Variants in PRMT2 observed in about 807,000 individuals in gnomAD.
PRMT2 encodes protein arginine N-methyltransferase 2.
In PRMT2, 26 loss-of-function variants were observed where a neutral mutation model predicts 57.6. The observed-to-expected ratio is 0.45, with a 90% CI of 0.33 to 0.63. The LOEUF (loss-of-function observed/expected upper bound fraction) is 0.63, where lower values mean the gene tolerates loss of function less well. Ranked by LOEUF, PRMT2 falls within the 20% of genes least tolerant of loss-of-function variation. The pLI, the probability that PRMT2 is intolerant of heterozygous loss-of-function variation, is 0.02. For synonymous variants in PRMT2, 219 were observed against 220.0 expected, an observed-to-expected ratio of 1.00 and a Z score of 0.04; for missense variants, 472 against 564.4, an observed-to-expected ratio of 0.84 and a Z score of 1.66.
Position 46,644,279 on chromosome 21 carries a change from A to T in PRMT2, c.145-27A>T, listed in dbSNP as rs751818846. The stretch of plus-strand genomic sequence containing the variant: ...TGAAATACCAATGACTGGTTTTCTT[A>T]TTGAATTTTAACTTTTTTTTTTCCA... On this transcript the variant is annotated intron_variant, in intron 4 of 11. Coordinates refer to ENST00000355680, the MANE Select transcript of PRMT2 (RefSeq NM_206962.4). The T allele has an allele frequency of 1.4e-5, 22 of 1,593,712 alleles. No homozygotes were observed. In the African/African-American group the frequency reaches 2.6e-4, roughly 19 times the overall value.
intron 8 of PRMT2, 123 bp downstream of exon 8, chr21:46,659,043 C>A: frequency 1.4e-6 from 2 of 1,451,566 alleles, no homozygotes; most frequent in East Asian, 2.5e-5. Context: ...CCTGTGCACC[C>A]AGATAGGACA....
At position 46,649,470 on chromosome 21, in the gene PRMT2, C is replaced by T. The variant is rs1569156231; in HGVS notation, c.490-105C>T. The T allele has an allele frequency of 5.1e-6, 8 of 1,562,014 alleles. No individual in the cohort carries two copies. Among genetic ancestry groups the T allele is most frequent in the Non-Finnish European group, 7.0e-6 (8 of 1,137,026 alleles). On this transcript the variant is annotated intron_variant, in intron 6 of 11. Transcript: ENST00000355680. This position sits in a 1 kb window ranked among gnomAD's most constrained non-coding sequence, Gnocchi z 4.8. ...CTGCTGTCTGGAATGCTGCTTCCCT[C>T]TTGTGTCATTGACCATTTCTCGTGA... is the stretch of plus-strand genomic sequence containing the variant.
intron 8 of PRMT2, chr21:46,659,334 A>G: frequency 1.0e-6 from 1 of 990,644 alleles, no homozygotes; most frequent in Non-Finnish European, 1.2e-6. Flanking sequence ...AATGAGCAGC[A>G]ACAATGGATG....
chr21:46,637,113 T>C (rs1455638925), intron 3 of PRMT2, 123 bp downstream of exon 3: 5 of 900,532 alleles, frequency 5.6e-6, no homozygotes, highest in Non-Finnish European at 8.6e-6. Context: ...CCACCGGCAG[T>C]AGAATGCTTA....
intron 7 of PRMT2, chr21:46,658,011 A>T (rs960176488): frequency 1.3e-5 from 2 of 152,210 alleles, no homozygotes; most frequent in African/African-American, 2.4e-5. Flanking sequence ...GCAGCTTGAG[A>T]TTATTTAAGG....
chr21:46,663,680 T>A, intron 11 of PRMT2, 126 bp downstream of exon 11: 1 of 964,370 alleles, frequency 1.0e-6, no homozygotes, highest in Non-Finnish European at 1.5e-6. Context: ...CAGGAGTGAT[T>A]TAATCCTTAC....
chr21:46,637,398 G>C (rs530143202), intron 3 of PRMT2, among the ~76,000 whole-genome samples: 2 of 152,098 alleles, frequency 1.3e-5, no homozygotes, highest in Non-Finnish European at 2.9e-5. Context: ...ATGTAGTTTC[G>C]TTCAAGTTAG....
Position 46,644,380 on chromosome 21 carries a change from G to A in PRMT2, c.219G>A (p.Ala73=), listed in dbSNP as rs746200349. ...CAGATTGGTGGTGGGGTGAGCGTGCGGGCTGCTGTGGGTACATTCCGGCAA... is the reference window on the plus strand; with the variant it reads ...CAGATTGGTGGTGGGGTGAGCGTGCAGGCTGCTGTGGGTACATTCCGGCAA... ...TTADWWWGER[A]GCCGYIPANH... is the part of the protein sequence containing the mutation. Residue 73 remains alanine, a synonymous_variant, in exon 5 of 12, where the codon GCG becomes GCA. Transcript: ENST00000355680. The A allele has an allele frequency of 3.6e-5, 58 of 1,612,144 alleles. No individual in the cohort carries two copies. Among genetic ancestry groups the A allele is most frequent in the Middle Eastern group, 3.3e-4 (2 of 6,074 alleles).
In PRMT2 at chr21:46,658,898, G is replaced by C. The variant is rs772055556; in HGVS notation, c.808G>C (p.Glu270Gln). Reference protein sequence around the residue: ...SKVLFWDNAYEFNLSALKSLA... With the variant: ...SKVLFWDNAYQFNLSALKSLA... ...GGTGCTCTTCTGGGACAACGCGTAC[G>C]AGTTCAACCTCAGCGCTCTGAAGTA... The change falls in exon 8 of 12, where the codon GAG (glutamate) becomes CAG (glutamine). Residue 270 changes from glutamate to glutamine, a missense_variant. Physicochemically the swap from Glu to Gln is conservative, Grantham distance 29. Around this residue, in one of 2 missense-constraint regions of PRMT2, gnomAD observed 229 missense variants for 217.2 expected, o/e 1.05. Coordinates refer to ENST00000355680, the MANE Select transcript of PRMT2 (RefSeq NM_206962.4). 1 of 1,614,088 alleles carries C rather than the reference G, an allele frequency of 6.2e-7. No homozygotes were observed. Among genetic ancestry groups the C allele is most frequent in the South Asian group, 1.1e-5 (1 of 91,064 alleles).
rs760256034 is a variant in PRMT2, at chr21:46,648,637, C to T, written c.489+18C>T. ...CTAGAGCGGTGAGTGGGGTCTCGAG[C>T]GCATCCCGGGTGTTTGTGCCGAGGC... On this transcript the variant is annotated intron_variant, in intron 6 of 11. Transcript: ENST00000355680. The surrounding 1 kb of genome is among the most constrained non-coding windows in gnomAD (Gnocchi z 4.8). The T allele has an allele frequency of 4.4e-6, 7 of 1,608,116 alleles. No individual in the cohort carries two copies. Among genetic ancestry groups the T allele is most frequent in the South Asian group, 2.2e-5 (2 of 90,968 alleles).
rs778314426 is a variant in PRMT2, at chr21:46,648,661, G to A, written c.489+42G>A. Reference sequence around the variant, plus strand: ...GCGCATCCCGGGTGTTTGTGCCGAGGCTGGTGACGTCCGAGGTGGCCTCTG... The same window carrying A: ...GCGCATCCCGGGTGTTTGTGCCGAGACTGGTGACGTCCGAGGTGGCCTCTG... On this transcript the variant is annotated intron_variant, in intron 6 of 11. Coordinates refer to ENST00000355680, the MANE Select transcript of PRMT2 (RefSeq NM_206962.4). This position sits in a 1 kb window ranked among gnomAD's most constrained non-coding sequence, Gnocchi z 4.8. 1 of 1,601,148 alleles carries A rather than the reference G, an allele frequency of 6.2e-7. No individual in the cohort carries two copies. The highest frequency in any genetic ancestry group is 1.3e-5 in the African/African-American group (1 of 74,846).
rs753608887 is a variant in PRMT2, at chr21:46,652,034, CAG to C, written c.654+2299_654+2300del. On this transcript the variant is annotated intron_variant, in intron 7 of 11. Transcript: ENST00000355680. Reference sequence around the variant, plus strand: ...CTGACATGTAGTAAAAGTCTGAAGACAGAGAAGAGTGCATGTGCGTTTAGCAT... The same window carrying C: ...CTGACATGTAGTAAAAGTCTGAAGACAGAAGAGTGCATGTGCGTTTAGCAT... 4 of 1,612,742 alleles carry C rather than the reference CAG, an allele frequency of 2.5e-6. No homozygotes were observed. In the Middle Eastern group the frequency reaches 5.0e-4, roughly 200 times the overall value.
intron 7 of PRMT2, chr21:46,653,652 G>A (rs2061496101): frequency 1.6e-6 from 2 of 1,236,706 alleles, no homozygotes; most frequent in South Asian, 1.5e-5. Context: ...CTTTTTGGTT[G>A]CATTCCCTGG....
At chr21:46,655,748 A>G (rs1336365148) in intron 7 of PRMT2, among the ~76,000 whole-genome samples, 1 of 152,232 alleles carries the variant, frequency 6.6e-6, no homozygotes, top group African/African-American at 2.4e-5. Flanking sequence ...AGGCTTAGAA[A>G]TCTAACAAAA....
rs770668584 is a variant in PRMT2, at chr21:46,636,986, C to T, written c.35C>T (p.Ser12Leu). ...ATSGDCPRSESQGEEPAECSE... is the reference protein window; with the variant it reads ...ATSGDCPRSELQGEEPAECSE... ...TCAGGTGACTGTCCCAGAAGTGAAT[C>T]GCAGGTAATTTCCGTTCCACTTCCT... Residue 12 changes from serine to leucine, a missense_variant, in exon 3 of 12, where the codon TCG (serine) becomes TTG (leucine). By Grantham distance (145) the Ser-to-Leu change is moderately radical. Around this residue, in one of 2 missense-constraint regions of PRMT2, gnomAD observed 243 missense variants for 347.2 expected, o/e 0.70. Transcript: ENST00000355680. The T allele has an allele frequency of 1.9e-6, 3 of 1,613,710 alleles. No individual in the cohort carries two copies. Among genetic ancestry groups the T allele is most frequent in the South Asian group, 2.2e-5 (2 of 91,024 alleles).
intron 7 of PRMT2, chr21:46,652,673 G>A (rs1387815498): frequency 1.0e-6 from 1 of 985,210 alleles, no homozygotes; most frequent in African/African-American, 1.7e-5. Flanking sequence ...AAGGAAAATA[G>A]GGCAGAATAA....
In PRMT2 at chr21:46,649,915, C is replaced by T. The variant is rs1026793941; in HGVS notation, c.654+176C>T. The T allele has an allele frequency of 4.1e-6, 6 of 1,451,638 alleles. No individual in the cohort carries two copies. The highest frequency in any genetic ancestry group is 1.5e-5 in the South Asian group (1 of 68,424). 89.9% of individuals were successfully genotyped at this position (1,451,638 alleles called of 1,614,324 possible). A position where few individuals can be genotyped will look rare whatever the true frequency, so the allele number is the denominator to read the frequency against. On this transcript the variant is annotated intron_variant, in intron 7 of 11. Coordinates refer to ENST00000355680, the MANE Select transcript of PRMT2 (RefSeq NM_206962.4). This position sits in a 1 kb window ranked among gnomAD's most constrained non-coding sequence, Gnocchi z 4.8. ...ATTGGCTCAGTGTCTTGAATTTTCA[C>T]CTGATTTAAAAAATGCCTTTATGAG...
intron 7 of PRMT2, chr21:46,652,093 G>A: frequency 1.3e-6 from 2 of 1,552,304 alleles, no homozygotes; most frequent in South Asian, 2.4e-5. Context: ...GTGCAGCAAG[G>A]GCATGTAGTT....
chr21:46,653,475 G>C (rs760197656), intron 7 of PRMT2: 8 of 1,007,748 alleles, frequency 7.9e-6, no homozygotes, highest in Non-Finnish European at 9.5e-6. Flanking sequence ...CACAACAAGA[G>C]GATAAGCGTA....
Sources: allele counts gnomAD v4.1 joint callset (sites outside exome capture counted in the v4.1 genomes callset), GRCh38; gene constraint gnomAD v4.1.1; regional missense constraint gnomAD v4.1.1; non-coding constraint Gnocchi (gnomAD v3.1); transcripts MANE v1.5; gene names NCBI Gene and HGNC (gene_info 2026-07-23, HGNC 2026-07-21).